The following PTPRD variants were observed in gnomAD, a reference collection of about 807,000 sequenced individuals.
PTPRD encodes receptor-type tyrosine-protein phosphatase delta.
In PTPRD, 34 loss-of-function variants were observed where a neutral mutation model predicts 214.5. The observed-to-expected ratio is 0.16, with a 90% confidence interval of 0.12 to 0.21. The LOEUF (loss-of-function observed/expected upper bound fraction) is 0.21, where lower values mean the gene tolerates loss of function less well. Ranked by LOEUF, PTPRD falls within the 10% of genes least tolerant of loss-of-function variation. The probability of loss-of-function intolerance (pLI) is 1.00; values close to 1 mark genes in which losing one functional copy is unlikely to be tolerated. For synonymous variants in PTPRD, 1,128 were observed against 845.7 expected (o/e 1.33, Z -5.79); for missense variants, 2,545 against 2,398.7 (o/e 1.06, Z -1.27).
chr9:8,322,772 A>T (rs1296439659), intron 44 of PTPRD, among the ~76,000 whole-genome samples: 1 of 152,198 alleles, frequency 6.6e-6, no homozygotes, highest in African/African-American at 2.4e-5. Flanking sequence ...ACATCATTAT[A>T]TTGGAAGAAG....
chr9:9,907,079 G>T (rs2077779306), intron 5 of PTPRD, among the ~76,000 whole-genome samples: 1 of 151,802 alleles, frequency 6.6e-6, no homozygotes. Context: ...TCCTTATATG[G>T]TCAGTTCCTA....
intron 8 of PTPRD, among the ~76,000 whole-genome samples, chr9:9,457,849 C>G (rs985362670): frequency 5.9e-5 from 9 of 151,970 alleles, no homozygotes; most frequent in African/African-American, 2.2e-4. Context: ...CATTTTTTCC[C>G]CAAAGGGCAT....
At chr9:10,240,865 ATAAT>A (rs910008485) in intron 3 of PTPRD, among the ~76,000 whole-genome samples, 3 of 151,916 alleles carry the variant, frequency 2.0e-5, no homozygotes, top group Non-Finnish European at 2.9e-5. Context: ...CAAAATTAAA[ATAAT>A]TAGACTTTTT....
At chr9:9,839,758 T>C (rs200631671) in intron 5 of PTPRD, among the ~76,000 whole-genome samples, 2 of 152,048 alleles carry the variant, frequency 1.3e-5, no homozygotes, top group African/African-American at 4.8e-5. Flanking sequence ...AGTCCTAAGC[T>C]AAAAGAACAA....
intron 31 of PTPRD, among the ~76,000 whole-genome samples, 182 bp from the exon 32 acceptor site, chr9:8,465,857 T>C (rs2096534414): frequency 6.6e-6 from 1 of 151,872 alleles, no homozygotes; most frequent in South Asian, 2.1e-4. Flanking sequence ...CTTCTCTTCC[T>C]GTTAAGGTAG....
chr9:10,363,098 T>A lies in PTPRD; in HGVS notation c.-599-22081A>T, dbSNP rs139351442. Among the ~76,000 whole-genome samples, 903 of 152,332 alleles carry A rather than the reference T, an allele frequency of 5.9e-3. 6 individuals are homozygous for A. Among genetic ancestry groups the A allele is most frequent in the African/African-American group, 0.021 (865 of 41,574 alleles). On this transcript the variant is annotated intron_variant, in intron 2 of 45. Transcript: ENST00000381196. ...TTGATTCTCCAGCAACTCTATTATC[T>A]ATCTGTTGCTAATCTCTAGATTTTC...
intron 9 of PTPRD, among the ~76,000 whole-genome samples, chr9:9,193,014 A>G (rs2099936195): frequency 6.6e-6 from 1 of 152,120 alleles, no homozygotes; most frequent in African/African-American, 2.4e-5. Context: ...AGATTGATTC[A>G]CATTTACCTG....
At chr9:9,618,423 CTA>C (rs1385828224) in intron 7 of PTPRD, among the ~76,000 whole-genome samples, 3 of 151,802 alleles carry the variant, frequency 2.0e-5, no homozygotes, top group Non-Finnish European at 2.9e-5. Context: ...TTATTTTTAG[CTA>C]CATCAGCAAT....
At chr9:10,450,810 C>G (rs74433804) in intron 2 of PTPRD, among the ~76,000 whole-genome samples, 1 of 151,852 alleles carries the variant, frequency 6.6e-6, no homozygotes, top group African/African-American at 2.4e-5. Flanking sequence ...TCTACCATCA[C>G]GTCTTAAAAA....
At chr9:10,319,858 G>A (rs1297701787) in intron 3 of PTPRD, among the ~76,000 whole-genome samples, 1 of 151,960 alleles carries the variant, frequency 6.6e-6, no homozygotes, top group Non-Finnish European at 1.5e-5. Context: ...AAAATGCTTG[G>A]TAGTAACATG....
At chr9:9,761,163 A>G (rs1410712696) in intron 6 of PTPRD, among the ~76,000 whole-genome samples, 2 of 152,254 alleles carry the variant, frequency 1.3e-5, no homozygotes, top group Non-Finnish European at 2.9e-5. Flanking sequence ...TCAACAGATA[A>G]AAAGTTAAAC....
intron 3 of PTPRD, among the ~76,000 whole-genome samples, chr9:10,319,970 AC>A (rs1311687712): frequency 6.6e-6 from 1 of 152,046 alleles, no homozygotes; most frequent in African/African-American, 2.4e-5. Context: ...ATTTCTAAAC[AC>A]CAAATGTCAT....
At chr9:10,501,524 T>C in intron 2 of PTPRD, among the ~76,000 whole-genome samples, 1 of 152,006 alleles carries the variant, frequency 6.6e-6, no homozygotes, top group East Asian at 1.9e-4. Flanking sequence ...ATTAAGAAGC[T>C]GAGATCTACC....
At chr9:9,410,715 T>C (rs2075117335) in intron 8 of PTPRD, among the ~76,000 whole-genome samples, 1 of 152,184 alleles carries the variant, frequency 6.6e-6, no homozygotes, top group Non-Finnish European at 1.5e-5. Flanking sequence ...AACTGTATTT[T>C]AGTTTTGTTA....
chr9:9,758,509 G>C (rs2154473550), intron 6 of PTPRD, among the ~76,000 whole-genome samples: 1 of 152,256 alleles, frequency 6.6e-6, no homozygotes, highest in South Asian at 2.1e-4. Flanking sequence ...AAATGATTGT[G>C]AGAGAGGCAG....
At chr9:10,165,529 C>G (rs2154292640) in intron 3 of PTPRD, among the ~76,000 whole-genome samples, 1 of 151,782 alleles carries the variant, frequency 6.6e-6, no homozygotes. Context: ...ATAACAATGG[C>G]ATTCTTATAT....
At chr9:9,952,963 A>C (rs1320512484) in intron 4 of PTPRD, among the ~76,000 whole-genome samples, 1 of 152,168 alleles carries the variant, frequency 6.6e-6, no homozygotes, top group African/African-American at 2.4e-5. Flanking sequence ...ACTGCTTCTC[A>C]AACCTGTGGG....
At chr9:9,254,798 T>C (rs894803594) in intron 9 of PTPRD, among the ~76,000 whole-genome samples, 13 of 152,088 alleles carry the variant, frequency 8.5e-5, no homozygotes, top group Admixed American at 7.2e-4. Flanking sequence ...TTTTACTTTT[T>C]GTTCCTGTAT....
chr9:10,268,492 G>A (rs1452142178), intron 3 of PTPRD, among the ~76,000 whole-genome samples: 1 of 152,020 alleles, frequency 6.6e-6, no homozygotes, highest in Non-Finnish European at 1.5e-5. Flanking sequence ...GTGCTCCTTA[G>A]TTTGGCATTC....
Sources: gnomAD v4.1 joint callset for allele counts (sites outside exome capture counted in the v4.1 genomes callset) on GRCh38, gnomAD v4.1.1 for gene constraint, MANE v1.5 for transcripts, NCBI Gene and HGNC (gene_info 2026-07-23, HGNC 2026-07-21) for gene names.